The following GALNT13 variants were observed in gnomAD, a reference collection of about 807,000 sequenced individuals.
GALNT13 encodes UDP-GalNAc:polypeptide N-acetylgalactosaminyltransferase 13.
Under a neutral mutation model 64.2 loss-of-function variants are expected in GALNT13, and 28 were observed. That is an observed-to-expected ratio of 0.44 (90% CI 0.32 to 0.60). GALNT13 has a LOEUF of 0.60. GALNT13 is among the 20% of genes least tolerant of loss of function. The pLI is 0.05. For synonymous variants in GALNT13, 214 were observed against 224.6 expected, an observed-to-expected ratio of 0.95 and a Z score of 0.42; for missense variants, 577 against 669.8, an observed-to-expected ratio of 0.86 and a Z score of 1.53.
At chr2:153,894,729 A>G (rs1216947420) in intron 1 of GALNT13, among the ~76,000 whole-genome samples, 1 of 152,152 alleles carries the variant, frequency 6.6e-6, no homozygotes, top group Non-Finnish European at 1.5e-5. Context: ...GGTAACAGCC[A>G]ACATGTCTGA....
chr2:153,795,143 C>T, the GALNT13 span, among the ~76,000 whole-genome samples: 9 of 152,238 alleles, frequency 5.9e-5, no homozygotes, highest in East Asian at 1.5e-3. Flanking sequence ...GTACTCATTT[C>T]TCTTTCAAAT....
chr2:154,023,508 G>T (rs1444447729), intron 3 of GALNT13, among the ~76,000 whole-genome samples: 1 of 152,120 alleles, frequency 6.6e-6, no homozygotes, highest in East Asian at 1.9e-4. Context: ...GAGAGACTAG[G>T]ATTGCAACCC....
the GALNT13 span, among the ~76,000 whole-genome samples, chr2:153,440,395 G>A: frequency 6.6e-6 from 1 of 152,176 alleles, no homozygotes; most frequent in South Asian, 2.1e-4. Context: ...GTTGTGAACA[G>A]TGTTGCAATA....
chr2:153,823,358 A>G, the GALNT13 span, among the ~76,000 whole-genome samples: 2 of 152,214 alleles, frequency 1.3e-5, no homozygotes, highest in Non-Finnish European at 2.9e-5. Context: ...ACAGCAGATT[A>G]TCAAACTTCA....
intron 4 of GALNT13, among the ~76,000 whole-genome samples, chr2:154,158,098 A>C (rs1372186873): frequency 6.6e-6 from 1 of 152,150 alleles, no homozygotes; most frequent in Non-Finnish European, 1.5e-5. Flanking sequence ...TTTAATCTGC[A>C]GCCCAGACTT....
intron 3 of GALNT13, among the ~76,000 whole-genome samples, chr2:154,030,693 C>T (rs192638595): frequency 1.6e-4 from 24 of 152,238 alleles, no homozygotes; most frequent in Admixed American, 1.4e-3. Flanking sequence ...TTGCTGTTCT[C>T]ATGATGGTGA....
intron 4 of GALNT13, among the ~76,000 whole-genome samples, chr2:154,177,773 A>T (rs1424632290): frequency 6.6e-6 from 1 of 152,164 alleles, no homozygotes; most frequent in African/African-American, 2.4e-5. Context: ...GTGTGTCTAC[A>T]TACATACATA....
At chr2:153,888,329 AGTT>A (rs1694654134) in intron 1 of GALNT13, among the ~76,000 whole-genome samples, 1 of 152,048 alleles carries the variant, frequency 6.6e-6, no homozygotes, top group South Asian at 2.1e-4. Flanking sequence ...AAAATAAAAT[AGTT>A]ATTTTTAAAA....
chr2:154,079,137 T>C (rs1701141004), intron 3 of GALNT13, among the ~76,000 whole-genome samples: 1 of 151,638 alleles, frequency 6.6e-6, no homozygotes, highest in Non-Finnish European at 1.5e-5. Flanking sequence ...TATGGAGGGA[T>C]ACAGAAGAAA....
intron 3 of GALNT13, among the ~76,000 whole-genome samples, chr2:153,948,293 C>T (rs998354686): frequency 6.6e-6 from 1 of 150,894 alleles, no homozygotes; most frequent in African/African-American, 2.4e-5. Flanking sequence ...CAAATCAAAG[C>T]CGCAATGAGA....
rs1176922567 is a variant in GALNT13, at chr2:154,148,216, A to T, written c.311+7711A>T. On this transcript the variant is annotated intron_variant, in intron 4 of 12. Coordinates refer to ENST00000392825, the MANE Select transcript of GALNT13 (RefSeq NM_052917.4). ...TTGTGATAGTTTACTGAGAATGATG[A>T]TTTCCAATTTCATCCATGTCCCTAC... Among the ~76,000 whole-genome samples, 4 of 151,678 alleles carry T rather than the reference A, an allele frequency of 2.6e-5. 1 individual carries two copies. In the South Asian group the frequency reaches 8.4e-4, roughly 32 times the overall value.
At chr2:153,534,522 C>CT in the GALNT13 span, among the ~76,000 whole-genome samples, 1 of 141,322 alleles carries the variant, frequency 7.1e-6, no homozygotes, top group African/African-American at 2.7e-5. Context: ...CTCTTTCTTT[C>CT]TTTCTTTTTT....
intron 3 of GALNT13, among the ~76,000 whole-genome samples, chr2:154,006,990 A>C (rs910424663): frequency 2.0e-5 from 3 of 152,216 alleles, no homozygotes; most frequent in Non-Finnish European, 2.9e-5. Context: ...TTTGTGACCA[A>C]GATGAAGAGA....
At chr2:154,278,754 C>T (rs935605328) in intron 8 of GALNT13, among the ~76,000 whole-genome samples, 4 of 151,854 alleles carry the variant, frequency 2.6e-5, no homozygotes, top group East Asian at 1.9e-4. Flanking sequence ...ATGATGGATT[C>T]AAGATAGTGG....
At chr2:154,233,334 A>G (rs1689026935) in intron 4 of GALNT13, among the ~76,000 whole-genome samples, 2 of 152,272 alleles carry the variant, frequency 1.3e-5, no homozygotes, top group African/African-American at 4.8e-5. Context: ...ATGGGTAGAC[A>G]TAATAACGAA....
chr2:153,443,087 C>G, the GALNT13 span, among the ~76,000 whole-genome samples: 45 of 152,216 alleles, frequency 3.0e-4, no homozygotes, highest in African/African-American at 1.0e-3. Context: ...CCAGGCACCA[C>G]TGGTGTCTGA....
chr2:153,419,421 C>A, the GALNT13 span, among the ~76,000 whole-genome samples: 1 of 152,250 alleles, frequency 6.6e-6, no homozygotes, highest in East Asian at 1.9e-4. Context: ...TTTATACTGA[C>A]TGAAAAAGGC....
intron 9 of GALNT13, among the ~76,000 whole-genome samples, chr2:154,322,779 G>T (rs1179158007): frequency 2.6e-5 from 4 of 151,976 alleles, no homozygotes; most frequent in Non-Finnish European, 5.9e-5. Flanking sequence ...AGGAGCTTAG[G>T]CTGGACTCGA....
At chr2:154,308,211 T>C (rs1693846030) in intron 9 of GALNT13, among the ~76,000 whole-genome samples, 2 of 152,138 alleles carry the variant, frequency 1.3e-5, no homozygotes, top group Admixed American at 1.3e-4. Context: ...TGTATTCCAG[T>C]TAAACACAAA....
Sources: gnomAD v4.1 joint callset for allele counts (sites outside exome capture counted in the v4.1 genomes callset) on GRCh38, gnomAD v4.1.1 for gene constraint, MANE v1.5 for transcripts, NCBI Gene and HGNC (gene_info 2026-07-23, HGNC 2026-07-21) for gene names.